TMEM131: variants seen among roughly 807,000 people sequenced by gnomAD.
TMEM131 encodes the protein 2610524E03Rik.
In TMEM131, 66 loss-of-function variants were observed where a neutral mutation model predicts 211.6. That is an observed-to-expected ratio of 0.31 (90% CI 0.26 to 0.38). The LOEUF is 0.38. Ranked by LOEUF, TMEM131 falls within the 10% of genes least tolerant of loss-of-function variation. The pLI is 1.00. For synonymous variants in TMEM131, 844 were observed against 841.3 expected (o/e 1.00, Z -0.06); for missense variants, 2,036 against 2,299.3 (o/e 0.89, Z 2.34).
intron 1 of TMEM131, among the ~76,000 whole-genome samples, chr2:97,959,546 T>C (rs557658341): frequency 6.8e-6 from 1 of 146,528 alleles, no homozygotes; most frequent in Non-Finnish European, 1.5e-5. Context: ...GAAAAAAATA[T>C]ATATATGTCT....
chr2:97,881,397 T>C (rs1674923759), intron 4 of TMEM131, among the ~76,000 whole-genome samples: 1 of 151,764 alleles, frequency 6.6e-6, no homozygotes, highest in African/African-American at 2.4e-5. Context: ...TTGTAGGGAT[T>C]GGGTTTCACT....
At chr2:97,766,336 T>C (rs1310600501) in intron 34 of TMEM131, 73 bp from the exon 35 acceptor site, 6 of 1,604,536 alleles carry the variant, frequency 3.7e-6, no homozygotes, top group Non-Finnish European at 5.1e-6. Context: ...TCAATGAACC[T>C]TCTAATGAGG....
chr2:97,972,714 T>G (rs1315655121), intron 1 of TMEM131, among the ~76,000 whole-genome samples: 1 of 152,144 alleles, frequency 6.6e-6, no homozygotes, highest in Non-Finnish European at 1.5e-5. Context: ...ATAGGGAGGT[T>G]ATTCTGGGTT....
chr2:97,977,316 A>G (rs1679585507), intron 1 of TMEM131, among the ~76,000 whole-genome samples: 1 of 152,258 alleles, frequency 6.6e-6, no homozygotes. Flanking sequence ...AATCTCAAAA[A>G]TAAGAAAATA....
chr2:97,874,632 T>C (rs931607551), intron 4 of TMEM131, among the ~76,000 whole-genome samples: 4 of 152,184 alleles, frequency 2.6e-5, no homozygotes, highest in Admixed American at 6.5e-5. Context: ...CTAAGCTTCA[T>C]AAGTGAAGGA....
At chr2:97,972,289 T>C (rs1471167551) in intron 1 of TMEM131, among the ~76,000 whole-genome samples, 1 of 152,042 alleles carries the variant, frequency 6.6e-6, no homozygotes, top group Non-Finnish European at 1.5e-5. Context: ...TGGGGAATAA[T>C]CAGTCCAAAA....
At chr2:97,955,655 A>G (rs1429120688) in intron 1 of TMEM131, among the ~76,000 whole-genome samples, 2 of 152,218 alleles carry the variant, frequency 1.3e-5, no homozygotes, top group Non-Finnish European at 2.9e-5. Context: ...ACTAACAATG[A>G]ACATATGGAA....
At chr2:97,884,715 G>A (rs966369976) in intron 4 of TMEM131, among the ~76,000 whole-genome samples, 2 of 151,974 alleles carry the variant, frequency 1.3e-5, no homozygotes, top group Admixed American at 1.3e-4. Context: ...ATGTCTGTTT[G>A]GCCTTATGTA....
chr2:97,911,974 T>C (rs934330833), intron 2 of TMEM131, among the ~76,000 whole-genome samples: 3 of 152,094 alleles, frequency 2.0e-5, no homozygotes, highest in South Asian at 2.1e-4. Flanking sequence ...ATGGAAAAGA[T>C]TAAACACATC....
At chr2:97,816,936 C>CAA (rs942023859) in intron 12 of TMEM131, among the ~76,000 whole-genome samples, 19 of 152,252 alleles carry the variant, frequency 1.2e-4, no homozygotes, top group South Asian at 1.2e-3. Context: ...ACAGCAATCT[C>CAA]AGAGGTATTT....
At chr2:97,869,368 T>A (rs1255418680) in intron 4 of TMEM131, among the ~76,000 whole-genome samples, 7 of 151,896 alleles carry the variant, frequency 4.6e-5, no homozygotes, top group Non-Finnish European at 1.5e-5. Flanking sequence ...GAAGCAGGAG[T>A]GGATCAGAAT....
chr2:97,777,173 C>T (rs531413912), intron 31 of TMEM131, among the ~76,000 whole-genome samples: 1 of 152,328 alleles, frequency 6.6e-6, no homozygotes, highest in South Asian at 2.1e-4. Flanking sequence ...GGTTCTAGCA[C>T]CTCAGATTGT....
intron 4 of TMEM131, among the ~76,000 whole-genome samples, chr2:97,887,346 G>C (rs1050858182): frequency 5.3e-5 from 8 of 152,228 alleles, no homozygotes; most frequent in Non-Finnish European, 1.2e-4. Flanking sequence ...AGCTGGTCTG[G>C]AGGTGTGTCT....
Position 97,792,606 on chromosome 2 carries a change from C to A in TMEM131, c.3924G>T (p.Pro1308=). 6.2e-7 allele frequency: 1 copy of A among 1,612,402 alleles called. No homozygotes were observed. Among genetic ancestry groups the A allele is most frequent in the Non-Finnish European group, 8.5e-7 (1 of 1,179,196 alleles). Residue 1308 remains proline, a synonymous_variant, in exon 31 of 41, where the codon CCG becomes CCT. Coordinates refer to ENST00000186436, the MANE Select transcript of TMEM131 (RefSeq NM_015348.2). The part of the protein sequence containing the change: ...LEQHPQPPLP[P]PVPQPQEPQP... ...GCGGCTCCTGGGGCTGAGGCACTGG[C>A]GGTGGCAGAGGAGGCTGAGGGTGCT...
At chr2:97,909,296 C>T (rs1676201567) in intron 2 of TMEM131, among the ~76,000 whole-genome samples, 1 of 152,012 alleles carries the variant, frequency 6.6e-6, no homozygotes, top group Admixed American at 6.6e-5. Context: ...TGAAGGCCCT[C>T]ATAGAGAGCA....
chr2:97,759,545 C>A, intron 39 of TMEM131, 107 bp downstream of exon 39: 1 of 983,172 alleles, frequency 1.0e-6, no homozygotes, highest in Non-Finnish European at 1.5e-6. Flanking sequence ...TGCGGGGCCT[C>A]TTCCACAGTG....
At chr2:97,874,182 T>TA (rs140935323) in intron 4 of TMEM131, among the ~76,000 whole-genome samples, 1 of 151,732 alleles carries the variant, frequency 6.6e-6, no homozygotes, top group Non-Finnish European at 1.5e-5. Flanking sequence ...GAAAAAGGAA[T>TA]AAAAAGGAAT....
At chr2:97,802,922 A>G (rs2104928673) in intron 22 of TMEM131, 132 bp from the exon 23 acceptor site, 2 of 726,506 alleles carry the variant, frequency 2.8e-6, no homozygotes, top group South Asian at 2.1e-5. Context: ...ATTCATTCTA[A>G]TATTTTACTA....
intron 3 of TMEM131, among the ~76,000 whole-genome samples, chr2:97,906,871 T>G (rs993214038): frequency 2.0e-5 from 3 of 152,168 alleles, no homozygotes; most frequent in African/African-American, 7.2e-5. Context: ...AAATGGTTAT[T>G]TTATGCCACT....
Sources: gnomAD v4.1 joint callset for allele counts (sites outside exome capture counted in the v4.1 genomes callset) on GRCh38, gnomAD v4.1.1 for gene constraint, MANE v1.5 for transcripts, NCBI Gene and HGNC (gene_info 2026-07-23, HGNC 2026-07-21) for gene names.